The following MINDY4 variants were observed in gnomAD, a reference collection of about 807,000 sequenced individuals.
MINDY4 encodes the protein probable ubiquitin carboxyl-terminal hydrolase MINDY-4.
A neutral mutation model predicts 87.0 loss-of-function variants in MINDY4; 68 were observed. That is an observed-to-expected ratio of 0.78 (90% confidence interval 0.64 to 0.96). The LOEUF (loss-of-function observed/expected upper bound fraction) is 0.96, where lower values mean the gene tolerates loss of function less well. Among genes scored for constraint, MINDY4 ranks in the 40% least tolerant of loss-of-function variants. The probability of loss-of-function intolerance (pLI) is 0.00; values close to 1 mark genes in which losing one functional copy is unlikely to be tolerated. For synonymous variants in MINDY4, 379 were observed against 363.2 expected (o/e 1.04, Z -0.50); for missense variants, 919 against 928.2 (o/e 0.99, Z 0.13).
Position 30,771,418 on chromosome 7 carries a change from T to A in MINDY4, c.-76T>A, listed in dbSNP as rs1786626776. 2 of 1,432,854 alleles carry A rather than the reference T, an allele frequency of 1.4e-6. No homozygotes were observed. Among genetic ancestry groups the A allele is most frequent in the Non-Finnish European group, 1.9e-6 (2 of 1,061,932 alleles). 88.8% of individuals were successfully genotyped at this position (1,432,854 alleles called of 1,614,324 possible). A position where few individuals can be genotyped will look rare whatever the true frequency, so the allele number is the denominator to read the frequency against. On this transcript the variant is annotated 5_prime_UTR_variant, in exon 1 of 18. Transcript: ENST00000265299. ...CGCCGTCGCCACGGCAACGCGGCCA[T>A]ACTGCGCCGGACAGACCCAGTTGCC...
chr7:30,838,097 G>A (rs1379049462), intron 7 of MINDY4, among the ~76,000 whole-genome samples: 3 of 152,168 alleles, frequency 2.0e-5, no homozygotes, highest in Non-Finnish European at 2.9e-5. Context: ...CAAGGCTTCA[G>A]AGACCCCCTC....
At chr7:30,820,630 A>G (rs1239060421) in intron 5 of MINDY4, among the ~76,000 whole-genome samples, 1 of 152,212 alleles carries the variant, frequency 6.6e-6, no homozygotes, top group Non-Finnish European at 1.5e-5. Context: ...CACTTAACAT[A>G]ATGTTTTTGA....
At position 30,791,641 on chromosome 7, in the gene MINDY4, C is replaced by T. The variant is rs1584242864; in HGVS notation, c.1073+67C>T. ...CTCCACCTCTCACATGTTGTCTAGT[C>T]CCTAATGGCTCCGAAGGGAACTTCT... On this transcript the variant is annotated intron_variant, in intron 5 of 17. Coordinates refer to ENST00000265299, the MANE Select transcript of MINDY4 (RefSeq NM_032222.3). The T allele has an allele frequency of 6.1e-6, 9 of 1,483,848 alleles. No homozygotes were observed. The Admixed American group carries it at 1.7e-4, about 28-fold the overall frequency. The allele number at this position is 1,483,848 out of a possible 1,614,324, so 91.9% of individuals were successfully genotyped here.
chr7:30,855,298 G>A (rs1789536164), intron 12 of MINDY4, among the ~76,000 whole-genome samples: 1 of 152,244 alleles, frequency 6.6e-6, no homozygotes, highest in Non-Finnish European at 1.5e-5. Flanking sequence ...TTGGAGAAGG[G>A]TGTCTTCCAA....
Position 30,811,664 on chromosome 7 carries a change from C to A in MINDY4, c.1074-17015C>A, listed in dbSNP as rs546902956. ...GGCTCTGGTAGTTAAAGATCGAACC[C>A]TGACCTAATCAGTTATGTTATGTAT... On this transcript the variant is annotated intron_variant, in intron 5 of 17. Transcript: ENST00000265299. Among the ~76,000 whole-genome samples, 5 of 152,336 alleles carry A rather than the reference C, an allele frequency of 3.3e-5. No homozygotes were observed. In the South Asian group the frequency reaches 1.0e-3, roughly 32 times the overall value.
intron 12 of MINDY4, 72 bp downstream of exon 12, chr7:30,853,531 G>A: frequency 1.5e-6 from 2 of 1,301,596 alleles, no homozygotes; most frequent in South Asian, 1.3e-5. Context: ...GAACAATGCT[G>A]TGAACTGGAG....
intron 6 of MINDY4, among the ~76,000 whole-genome samples, chr7:30,832,672 G>C (rs1788740914): frequency 6.6e-6 from 1 of 152,136 alleles, no homozygotes; most frequent in Non-Finnish European, 1.5e-5. Context: ...ACCACACCTG[G>C]CTAATTTTTG....
At chr7:30,821,154 G>T (rs945838704) in intron 5 of MINDY4, among the ~76,000 whole-genome samples, 3 of 151,984 alleles carry the variant, frequency 2.0e-5, no homozygotes, top group Non-Finnish European at 2.9e-5. Flanking sequence ...TGGTGTTTTA[G>T]TTTCACTTTG....
intron 1 of MINDY4, among the ~76,000 whole-genome samples, chr7:30,777,450 A>C (rs1786859301): frequency 1.3e-5 from 2 of 152,034 alleles, no homozygotes; most frequent in South Asian, 4.2e-4. Context: ...TCTGACCCAT[A>C]TATCCATTTC....
chr7:30,887,455 T>A (rs1327345874), intron 17 of MINDY4, among the ~76,000 whole-genome samples: 1 of 152,200 alleles, frequency 6.6e-6, no homozygotes, highest in East Asian at 1.9e-4. Context: ...GCACTGCCTT[T>A]CCTGTGAGCC....
Position 30,782,022 on chromosome 7 carries a change from T to A in MINDY4, c.229T>A (p.Tyr77Asn). ...LKTSLELITR[Y>N]FLDHFGNTAN... ...AACAAGCCTTGAACTCATCACCAGA[T>A]ACTTTCTGGATCACTTTGGAAATAC... Residue 77 changes from tyrosine to asparagine, a missense_variant, in exon 3 of 18, where the codon TAC becomes AAC. Physicochemically the swap from Tyr to Asn is moderately radical, Grantham distance 143. Coordinates refer to ENST00000265299, the MANE Select transcript of MINDY4 (RefSeq NM_032222.3). 2 of 1,614,138 alleles carry A rather than the reference T, an allele frequency of 1.2e-6. No individual in the cohort carries two copies. The highest frequency in any genetic ancestry group is 1.7e-6 in the Non-Finnish European group (2 of 1,180,028).
At chr7:30,876,817 A>G (rs904355774) in intron 15 of MINDY4, among the ~76,000 whole-genome samples, 28 of 152,056 alleles carry the variant, frequency 1.8e-4, no homozygotes, top group Non-Finnish European at 4.1e-4. Context: ...TTCACCACCT[A>G]TCCTCAGAAC....
At chr7:30,847,085 C>T (rs1562552108) in intron 9 of MINDY4, among the ~76,000 whole-genome samples, 1 of 152,168 alleles carries the variant, frequency 6.6e-6, no homozygotes, top group Non-Finnish European at 1.5e-5. Context: ...GACCCAGTGT[C>T]TGCATTTGTA....
intron 13 of MINDY4, among the ~76,000 whole-genome samples, chr7:30,863,342 C>T (rs932295091): frequency 6.6e-6 from 1 of 152,092 alleles, no homozygotes; most frequent in East Asian, 1.9e-4. Context: ...TGTATGTGTA[C>T]ATTCGTGGTG....
At chr7:30,834,555 T>G (rs1355679253) in intron 6 of MINDY4, among the ~76,000 whole-genome samples, 3 of 152,228 alleles carry the variant, frequency 2.0e-5, no homozygotes, top group Non-Finnish European at 4.4e-5. Flanking sequence ...TTTTCCCCAT[T>G]GTCTTGTGGA....
intron 14 of MINDY4, 133 bp from the exon 15 acceptor site, chr7:30,875,362 C>T (rs1185985403): frequency 2.0e-6 from 2 of 1,003,438 alleles, no homozygotes; most frequent in Admixed American, 3.5e-5. Flanking sequence ...GTCACAGCCT[C>T]CTCTGCTCTC....
At chr7:30,777,873 C>T (rs1195403661) in intron 1 of MINDY4, among the ~76,000 whole-genome samples, 1 of 152,234 alleles carries the variant, frequency 6.6e-6, no homozygotes, top group Non-Finnish European at 1.5e-5. Flanking sequence ...GAGCATGTCT[C>T]AGCTGGGCCT....
intron 5 of MINDY4, among the ~76,000 whole-genome samples, chr7:30,816,129 T>A (rs1375256934): frequency 2.0e-5 from 3 of 151,886 alleles, no homozygotes; most frequent in East Asian, 3.9e-4. Context: ...AGGTGATCTC[T>A]GAGTACTCCT....
intron 4 of MINDY4, among the ~76,000 whole-genome samples, chr7:30,790,817 A>G (rs988748479): frequency 6.6e-6 from 1 of 152,234 alleles, no homozygotes; most frequent in Non-Finnish European, 1.5e-5. Context: ...AATCAGGGAC[A>G]GAGAAGTTAA....
Sources: allele counts gnomAD v4.1 joint callset (sites outside exome capture counted in the v4.1 genomes callset), GRCh38; gene constraint gnomAD v4.1.1; transcripts MANE v1.5; gene names NCBI Gene and HGNC (gene_info 2026-07-23, HGNC 2026-07-21).